Variants in STAU1 observed in about 807,000 individuals in gnomAD.
The protein encoded by STAU1 is staufen double-stranded RNA binding protein 1.
A neutral mutation model predicts 62.9 loss-of-function variants in STAU1; 13 were observed. The ratio of observed to expected loss-of-function variants is 0.21; its 90% CI spans 0.13 to 0.33. STAU1 has a LOEUF of 0.33. Ranked by LOEUF, STAU1 falls within the 10% of genes least tolerant of loss-of-function variation. STAU1 has a pLI of 1.00. For missense variants in STAU1, 571 were observed against 712.1 expected, an observed-to-expected ratio of 0.80 and a Z score of 2.25; for synonymous variants, 269 against 265.1, an observed-to-expected ratio of 1.01 and a Z score of -0.14.
intron 6 of STAU1, among the ~76,000 whole-genome samples, chr20:49,133,895 AATC>A (rs147453056): frequency 0.012 from 1,796 of 152,270 alleles, 42 homozygotes; most frequent in African/African-American, 0.04. Context: ...TGAGGTGAGA[AATC>A]ATCATCACTC....
intron 8 of STAU1, among the ~76,000 whole-genome samples, chr20:49,121,807 C>G (rs168345): frequency 6.6e-6 from 1 of 152,056 alleles, no homozygotes; most frequent in Non-Finnish European, 1.5e-5. Flanking sequence ...CGAAGAAGAG[C>G]TGGTTGTTAA....
At chr20:49,134,662 G>C in intron 6 of STAU1, 1 of 1,166,610 alleles carries the variant, frequency 8.6e-7, no homozygotes, top group Non-Finnish European at 1.3e-6. Context: ...ATGAAATTAA[G>C]AATGAAGCTG....
At chr20:49,143,658 T>C (rs1255344075) in intron 5 of STAU1, among the ~76,000 whole-genome samples, 1 of 152,196 alleles carries the variant, frequency 6.6e-6, no homozygotes, top group African/African-American at 2.4e-5. Context: ...CACAGTATGC[T>C]AGGAAAATTA....
the STAU1 span, among the ~76,000 whole-genome samples, chr20:49,199,595 CAG>C: frequency 1.3e-5 from 2 of 149,930 alleles, no homozygotes; most frequent in Admixed American, 6.7e-5. Flanking sequence ...TTTTTTGAGA[CAG>C]AGTCTTGCTC....
At chr20:49,154,203 C>T in intron 3 of STAU1, 132 bp from the exon 4 acceptor site, 2 of 857,704 alleles carry the variant, frequency 2.3e-6, no homozygotes, top group East Asian at 2.6e-5. Flanking sequence ...GGGTGGCTCA[C>T]TGCTAGGCAT....
rs1568813042 is a variant in STAU1 at position 49,117,288 on chromosome 20, C to G, written c.1510-40G>C. 6.2e-7 allele frequency: 1 copy of G among 1,610,154 alleles called. No individual in the cohort carries two copies. Among genetic ancestry groups the G allele is most frequent in the African/African-American group, 1.3e-5 (1 of 74,992 alleles). ...AGAGCTGAGGCTAGGTAGGGAACAG[C>G]AAGTATGAGTGGGCTGGAGGGCTGC... On this transcript the variant is annotated intron_variant, in intron 11 of 13. Transcript: ENST00000371856. The surrounding 1 kb of genome is among the most constrained non-coding windows in gnomAD (Gnocchi z 4.6).
At chr20:49,116,541 G>A (rs1429577020) in intron 12 of STAU1, among the ~76,000 whole-genome samples, 5 of 151,858 alleles carry the variant, frequency 3.3e-5, no homozygotes, top group African/African-American at 4.8e-5. Context: ...GTTTCACCAC[G>A]TTGGCCAGGC....
chr20:49,212,014 G>A, the STAU1 span, among the ~76,000 whole-genome samples: 1 of 151,720 alleles, frequency 6.6e-6, no homozygotes, highest in African/African-American at 2.4e-5. Context: ...TTTGAGACAG[G>A]GTCTTACTCT....
Position 49,114,667 on chromosome 20 carries a change from C to T in STAU1, c.*211G>A, listed in dbSNP as rs897026023. ...TATTGCGTAGGGACCGCCAGGTCAC[C>T]GAGTGGCCATCACAACAAACCCCAG... On this transcript the variant is annotated 3_prime_UTR_variant, in exon 14 of 14. Transcript: ENST00000371856. The T allele has an allele frequency of 9.4e-6, 5 of 530,912 alleles. No homozygotes were observed. Among genetic ancestry groups the T allele is most frequent in the South Asian group, 6.3e-5 (2 of 31,834 alleles). The allele number at this position is 530,912 out of a possible 1,614,324, so 32.9% of individuals were successfully genotyped here.
intron 5 of STAU1, among the ~76,000 whole-genome samples, chr20:49,149,335 C>T (rs904456080): frequency 4.6e-5 from 7 of 151,732 alleles, no homozygotes; most frequent in Non-Finnish European, 1.0e-4. Context: ...TCAAAACACA[C>T]ACACACACAC....
chr20:49,142,421 A>C (rs1448879460), intron 5 of STAU1, among the ~76,000 whole-genome samples: 1 of 152,094 alleles, frequency 6.6e-6, no homozygotes, highest in Non-Finnish European at 1.5e-5. Flanking sequence ...AATTTATACT[A>C]ACGAAATGCT....
the STAU1 span, among the ~76,000 whole-genome samples, chr20:49,194,446 AAG>A: frequency 0.18 from 24,541 of 135,604 alleles, 2,202 homozygotes; most frequent in East Asian, 0.38. Context: ...AAAAAAAAAA[AAG>A]AAAAGAAAAA....
the STAU1 span, among the ~76,000 whole-genome samples, chr20:49,210,975 T>C: frequency 6.6e-6 from 1 of 152,248 alleles, no homozygotes; most frequent in Admixed American, 6.6e-5. Context: ...CCCAATTCCC[T>C]AATCCCCCAC....
intron 6 of STAU1, among the ~76,000 whole-genome samples, chr20:49,131,647 A>G (rs1014762136): frequency 2.6e-5 from 4 of 152,204 alleles, no homozygotes; most frequent in African/African-American, 7.2e-5. Flanking sequence ...GTTCAAGACC[A>G]GCCTGGCCAA....
chr20:49,197,909 A>G, the STAU1 span, among the ~76,000 whole-genome samples: 1 of 151,940 alleles, frequency 6.6e-6, no homozygotes, highest in East Asian at 1.9e-4. Flanking sequence ...GGGGCTCACT[A>G]TGTTGCTCAG....
At chr20:49,177,884 A>C (rs374742374) in intron 1 of STAU1, among the ~76,000 whole-genome samples, 1 of 152,072 alleles carries the variant, frequency 6.6e-6, no homozygotes, top group Non-Finnish European at 1.5e-5. Context: ...AGATTCATAC[A>C]AACATTCATG....
At chr20:49,147,228 C>T (rs1318070605) in intron 5 of STAU1, among the ~76,000 whole-genome samples, 1 of 152,190 alleles carries the variant, frequency 6.6e-6, no homozygotes, top group African/African-American at 2.4e-5. Flanking sequence ...GCACTAAATG[C>T]ACTTTTTGCT....
intron 2 of STAU1, among the ~76,000 whole-genome samples, chr20:49,173,576 C>T (rs2093624296): frequency 6.6e-6 from 1 of 151,932 alleles, no homozygotes; most frequent in South Asian, 2.1e-4. Context: ...AGTAGGTTAA[C>T]TTGTCTACTA....
chr20:49,172,437 T>C (rs976029147), intron 2 of STAU1, among the ~76,000 whole-genome samples: 2 of 152,216 alleles, frequency 1.3e-5, no homozygotes, highest in African/African-American at 4.8e-5. Flanking sequence ...TAGAAAACTT[T>C]TAACACAATA....
Sources: gnomAD v4.1 joint callset for allele counts (sites outside exome capture counted in the v4.1 genomes callset) on GRCh38, gnomAD v4.1.1 for gene constraint, Gnocchi (gnomAD v3.1) non-coding constraint, MANE v1.5 for transcripts, NCBI Gene and HGNC (gene_info 2026-07-23, HGNC 2026-07-21) for gene names.